Variants in RELL1 observed in about 807,000 individuals in gnomAD.
RELL1 encodes RELT like 1, also known as RELT-like protein 1.
In RELL1, 10 loss-of-function variants were observed where a neutral mutation model predicts 23.0. The ratio of observed to expected loss-of-function variants is 0.43; its 90% CI spans 0.27 to 0.74. RELL1 has a LOEUF of 0.74. Among genes scored for constraint, RELL1 ranks in the 30% least tolerant of loss-of-function variants. The probability of loss-of-function intolerance (pLI) is 0.19; values close to 1 mark genes in which losing one functional copy is unlikely to be tolerated. For missense variants in RELL1, 315 were observed against 364.4 expected (o/e 0.86, Z 1.10); for synonymous variants, 146 against 146.8 (o/e 0.99, Z 0.04).
At position 37,626,827 on chromosome 4, in the gene RELL1, A is replaced by G. The variant is rs533000012; in HGVS notation, c.*3+4558T>C. On this transcript the variant is annotated intron_variant, in intron 6 of 6. Transcript: ENST00000454158. The stretch of plus-strand genomic sequence containing the variant: ...GTCATCTCACTTACATGTGGAATCT[A>G]AAAAAAGTTGAACTCATAGAAGCAG... Among the ~76,000 whole-genome samples, 10 of 151,766 alleles carry G rather than the reference A, an allele frequency of 6.6e-5. No individual in the cohort carries two copies. In the East Asian group the frequency reaches 1.9e-3, roughly 29 times the overall value.
At chr4:37,619,810 A>G (rs1719709746) in intron 6 of RELL1, among the ~76,000 whole-genome samples, 1 of 152,182 alleles carries the variant, frequency 6.6e-6, no homozygotes, top group Non-Finnish European at 1.5e-5. Context: ...GCCTCGAGCC[A>G]TCCTCCCACC....
intron 6 of RELL1, among the ~76,000 whole-genome samples, chr4:37,597,181 A>T (rs1718886498): frequency 1.3e-5 from 2 of 152,114 alleles, no homozygotes; most frequent in Admixed American, 6.5e-5. Context: ...CTGCCCTCTG[A>T]GCCTTGTTCC....
chr4:37,643,286 C>A (rs190529331), intron 3 of RELL1, among the ~76,000 whole-genome samples: 1 of 152,276 alleles, frequency 6.6e-6, no homozygotes, highest in African/African-American at 2.4e-5. Context: ...AGTGTGTTTG[C>A]CCAGCAGGTC....
chr4:37,589,993 T>A, downstream of RELL1: 1 of 885,928 alleles, frequency 1.1e-6, no homozygotes. Flanking sequence ...ATCACAGAAA[T>A]TAAATTAGCA....
chr4:37,595,969 C>T (rs2973276), intron 6 of RELL1, among the ~76,000 whole-genome samples: 96,328 of 152,024 alleles, frequency 0.63, 32,122 homozygotes, highest in Non-Finnish European at 0.75. Context: ...CAGATCTCAC[C>T]GTTCTCTTGG....
chr4:37,649,685 C>T (rs549960642), intron 1 of RELL1, among the ~76,000 whole-genome samples, 185 bp from the exon 2 acceptor site: 1 of 152,372 alleles, frequency 6.6e-6, no homozygotes, highest in East Asian at 1.9e-4. Flanking sequence ...CTGAGTTTAA[C>T]TCTGCTACTC....
At chr4:37,607,539 C>T (rs1719259190), downstream of RELL1, among the ~76,000 whole-genome samples, 1 of 151,440 alleles carries the variant, frequency 6.6e-6, no homozygotes, top group South Asian at 2.1e-4. Context: ...TGTGGCAACC[C>T]TGCAAGTCGA....
chr4:37,598,835 C>T (rs964620871), intron 6 of RELL1, among the ~76,000 whole-genome samples: 4 of 152,100 alleles, frequency 2.6e-5, no homozygotes, highest in African/African-American at 7.2e-5. Flanking sequence ...CAAGCGTGCA[C>T]CACCATGCCC....
chr4:37,601,930 C>A (rs566081343), intron 6 of RELL1, among the ~76,000 whole-genome samples: 2 of 152,052 alleles, frequency 1.3e-5, no homozygotes, highest in African/African-American at 4.8e-5. Context: ...TGAAAGCAAC[C>A]AGGCTGGGCA....
rs1011470219 is a variant in RELL1, at chr4:37,638,627, G to A, written c.386-123C>T. The A allele has an allele frequency of 8.2e-6, 6 of 734,630 alleles. No individual in the cohort carries two copies. The Admixed American group carries it at 1.2e-4, about 15-fold the overall frequency. 45.5% of individuals were successfully genotyped at this position (734,630 alleles called of 1,614,324 possible). On this transcript the variant is annotated intron_variant, in intron 3 of 6. Coordinates refer to ENST00000454158, the MANE Select transcript of RELL1 (RefSeq NM_001085400.2). ...TCAGTTCATAGATGAAGTCCTGGGGGCCTAGAGAAAGGAGGGTCTCCCCCA... is the reference window on the plus strand; with the variant it reads ...TCAGTTCATAGATGAAGTCCTGGGGACCTAGAGAAAGGAGGGTCTCCCCCA...
At chr4:37,618,295 C>T (rs925418318) in intron 6 of RELL1, among the ~76,000 whole-genome samples, 7 of 152,100 alleles carry the variant, frequency 4.6e-5, no homozygotes, top group Non-Finnish European at 1.0e-4. Context: ...GCTGGAACCT[C>T]GAACTCCTGG....
intron 1 of RELL1, among the ~76,000 whole-genome samples, chr4:37,656,052 C>T (rs1320458563): frequency 6.6e-6 from 1 of 152,242 alleles, no homozygotes; most frequent in South Asian, 2.1e-4. Flanking sequence ...GATACCTGCA[C>T]TCCCATGTTG....
intron 6 of RELL1, chr4:37,622,798 G>GTTTTTTTT (rs771576367): frequency 2.4e-5 from 10 of 418,330 alleles, no homozygotes; most frequent in Non-Finnish European, 3.3e-5. Flanking sequence ...CTCAAGTAAT[G>GTTTTTTTT]CTTTTTTTTT....
chr4:37,590,195 G>A, downstream of RELL1: 1 of 1,614,242 alleles, frequency 6.2e-7, no homozygotes. Flanking sequence ...AAATGGAGCA[G>A]TGAAGTCTTG....
At chr4:37,630,355 G>GT (rs1182638099) in intron 6 of RELL1, among the ~76,000 whole-genome samples, 6 of 126,014 alleles carry the variant, frequency 4.8e-5, no homozygotes, top group East Asian at 2.4e-4. Flanking sequence ...GTGTGTGTGT[G>GT]GTTTTTTTTT....
chr4:37,631,459 T>G lies in RELL1; in HGVS notation c.745A>C (p.Ser249Arg). The change falls in exon 6 of 7, where the codon AGT becomes CGT. Residue 249 changes from serine to arginine, a missense_variant. Ser to Arg is a moderately radical substitution (Grantham distance 110). Transcript: ENST00000454158. ...TCCCCATTGACGGTTTCAGCCCCAC[T>G]AACAGACATCAGGCTTCTCCGTTCC... ...QKERRSLMSVSGAETVNGEVP... is the reference protein window; with the variant it reads ...QKERRSLMSVRGAETVNGEVP... 1 of 1,614,158 alleles carries G rather than the reference T, an allele frequency of 6.2e-7. No individual in the cohort carries two copies. Among genetic ancestry groups the G allele is most frequent in the South Asian group, 1.1e-5 (1 of 91,074 alleles).
intron 1 of RELL1, among the ~76,000 whole-genome samples, chr4:37,653,238 C>CT (rs1721011473): frequency 1.3e-5 from 2 of 152,146 alleles, no homozygotes; most frequent in Non-Finnish European, 2.9e-5. Flanking sequence ...ACATAATTGA[C>CT]TATTACCCTG....
rs562796178 is a variant in RELL1, at chr4:37,628,152, A to G, written c.*3+3233T>C. ...TTCAGGGCCTATACTTCATTGGGGT[A>G]ATCAGATAGGGCCACCCAGCAGGTC... On this transcript the variant is annotated intron_variant, in intron 6 of 6. Transcript: ENST00000454158. Among the ~76,000 whole-genome samples, 67 of 152,328 alleles carry G rather than the reference A, an allele frequency of 4.4e-4. No homozygotes were observed. In the South Asian group the frequency reaches 7.7e-3, roughly 17 times the overall value.
intron 1 of RELL1, among the ~76,000 whole-genome samples, chr4:37,673,701 G>A (rs556445502): frequency 4.6e-5 from 7 of 152,262 alleles, no homozygotes; most frequent in South Asian, 2.1e-4. Context: ...ATAAGGAAAT[G>A]GGAATGGCAA....
Sources: gnomAD v4.1 joint callset for allele counts (sites outside exome capture counted in the v4.1 genomes callset) on GRCh38, gnomAD v4.1.1 for gene constraint, MANE v1.5 for transcripts, NCBI Gene and HGNC (gene_info 2026-07-23, HGNC 2026-07-21) for gene names.